The following WDR17 variants were observed in gnomAD, a reference collection of about 807,000 sequenced individuals.
WDR17 encodes WD repeat-containing protein 17.
A neutral mutation model predicts 161.7 loss-of-function variants in WDR17; 143 were observed. The observed-to-expected ratio is 0.88, with a 90% confidence interval of 0.77 to 1.02. The LOEUF is 1.02. Ranked by LOEUF, WDR17 falls within the 50% of genes least tolerant of loss-of-function variation. The probability of loss-of-function intolerance (pLI) is 0.00; values close to 1 mark genes in which losing one functional copy is unlikely to be tolerated. For synonymous variants in WDR17, 517 were observed against 515.6 expected, an observed-to-expected ratio of 1.00 and a Z score of -0.04; for missense variants, 1,469 against 1,520.9, an observed-to-expected ratio of 0.97 and a Z score of 0.57.
chr4:176,165,836 G>GC (rs758430509), intron 22 of WDR17, among the ~76,000 whole-genome samples: 1 of 151,970 alleles, frequency 6.6e-6, no homozygotes, highest in Non-Finnish European at 1.5e-5. Flanking sequence ...TCCTTGTAAC[G>GC]CCCCCATCCC....
At chr4:176,091,964 C>T (rs767812789) in intron 1 of WDR17, among the ~76,000 whole-genome samples, 4 of 152,032 alleles carry the variant, frequency 2.6e-5, no homozygotes, top group Non-Finnish European at 5.9e-5. Context: ...TAAAAAGTCT[C>T]CCATCAGGAA....
At position 176,177,523 on chromosome 4, in the gene WDR17, T is replaced by C; in HGVS notation, c.3601T>C (p.Tyr1201His). 6.3e-7 allele frequency: 1 copy of C among 1,592,124 alleles called. No individual in the cohort carries two copies. The highest frequency in any genetic ancestry group is 1.9e-5 in the Admixed American group (1 of 51,776). Reference sequence around the variant, plus strand: ...CCCTTCTGATTCACAAAGAATGATTTATGCAACTTTATTAAAGAGACTAAA... The same window carrying C: ...CCCTTCTGATTCACAAAGAATGATTCATGCAACTTTATTAAAGAGACTAAA... Reference protein sequence around the residue: ...TPPSDSQRMIYATLLKRLKEE... With the variant: ...TPPSDSQRMIHATLLKRLKEE... The change falls in exon 28 of 29, where the codon TAT becomes CAT. Residue 1201 changes from tyrosine to histidine, a missense_variant. Coordinates refer to ENST00000508596, the MANE Select transcript of WDR17 (RefSeq NM_181265.4).
At chr4:176,079,210 T>C (rs937979120) in intron 1 of WDR17, among the ~76,000 whole-genome samples, 1 of 152,180 alleles carries the variant, frequency 6.6e-6, no homozygotes, top group African/African-American at 2.4e-5. Flanking sequence ...ATTTTATTTT[T>C]TTATGGCTCA....
intron 22 of WDR17, among the ~76,000 whole-genome samples, chr4:176,168,133 G>A (rs1750159579): frequency 6.6e-6 from 1 of 151,506 alleles, no homozygotes; most frequent in Non-Finnish European, 1.5e-5. Flanking sequence ...GGCGACAGAG[G>A]GAATGAGACT....
intron 15 of WDR17, 53 bp downstream of exon 15, chr4:176,150,226 C>A: frequency 6.3e-7 from 1 of 1,591,480 alleles, no homozygotes; most frequent in South Asian, 1.1e-5. Flanking sequence ...CAACATGAAT[C>A]ATTACAACTA....
At chr4:176,171,773 A>AT (rs77463468) in intron 23 of WDR17, among the ~76,000 whole-genome samples, 73,839 of 151,098 alleles carry the variant, frequency 0.49, 18,639 homozygotes, top group Admixed American at 0.61. Flanking sequence ...ACAGAAAAAG[A>AT]TTTTTTTTTA....
At chr4:176,173,450 C>A in intron 25 of WDR17, 81 bp downstream of exon 25, 1 of 859,668 alleles carries the variant, frequency 1.2e-6, no homozygotes, top group Non-Finnish European at 1.8e-6. Flanking sequence ...GTATTCAGAT[C>A]GGGAAATAGG....
intron 6 of WDR17, among the ~76,000 whole-genome samples, chr4:176,129,714 C>T (rs983505775): frequency 7.9e-5 from 12 of 152,060 alleles, no homozygotes; most frequent in Non-Finnish European, 1.8e-4. Context: ...AATTGGTAGG[C>T]AATGGCAAGT....
chr4:176,153,859 T>C (rs1747630056), intron 17 of WDR17, among the ~76,000 whole-genome samples: 1 of 152,200 alleles, frequency 6.6e-6, no homozygotes, highest in Non-Finnish European at 1.5e-5. Context: ...AAAAAGGCAT[T>C]ATAAATTTAA....
At chr4:176,145,228 G>A (rs1404175586) in intron 11 of WDR17, among the ~76,000 whole-genome samples, 2 of 150,750 alleles carry the variant, frequency 1.3e-5, no homozygotes, top group Admixed American at 6.6e-5. Flanking sequence ...TGGCAGGTCC[G>A]TGATTTCCAC....
chr4:176,152,294 C>A (rs1480085685), intron 17 of WDR17, among the ~76,000 whole-genome samples: 31 of 72,124 alleles, frequency 4.3e-4, no homozygotes, highest in South Asian at 2.1e-3. Context: ...GACCCTATCT[C>A]AAAAAAAAAA....
At chr4:176,175,151 A>C (rs1335913253) in intron 26 of WDR17, among the ~76,000 whole-genome samples, 1 of 152,210 alleles carries the variant, frequency 6.6e-6, no homozygotes, top group Non-Finnish European at 1.5e-5. Flanking sequence ...GAAAGAGACC[A>C]CAAAGGACTT....
chr4:176,077,888 G>T (rs1167358425), intron 1 of WDR17, among the ~76,000 whole-genome samples: 1 of 152,010 alleles, frequency 6.6e-6, no homozygotes, highest in Non-Finnish European at 1.5e-5. Flanking sequence ...TTAGTCCACA[G>T]AAGAGAAAGG....
At position 176,179,644 on chromosome 4, in the gene WDR17, C is replaced by A; in HGVS notation, c.*65C>A. On this transcript the variant is annotated 3_prime_UTR_variant, in exon 29 of 29. Transcript: ENST00000508596. ...AAAAACTTTCATGGGTTAGCATTAC[C>A]TTAATCTTTGTTGCTCAAGTGCCAG... 1.4e-6 allele frequency: 2 copies of A among 1,414,832 alleles called. No individual in the cohort carries two copies. The highest frequency in any genetic ancestry group is 3.7e-5 in the South Asian group (2 of 54,720). 87.6% of individuals were successfully genotyped at this position (1,414,832 alleles called of 1,614,324 possible). A position where few individuals can be genotyped will look rare whatever the true frequency, so the allele number is the denominator to read the frequency against.
chr4:176,142,878 G>GT (rs1483107923), intron 11 of WDR17, among the ~76,000 whole-genome samples: 2 of 152,100 alleles, frequency 1.3e-5, no homozygotes, highest in Non-Finnish European at 2.9e-5. Flanking sequence ...AAAAAACACT[G>GT]TTTTTTGTGG....
Position 176,152,091 on chromosome 4 carries a change from C to G in WDR17, c.2460+124C>G, listed in dbSNP as rs1384812986. On this transcript the variant is annotated intron_variant, in intron 17 of 28. Coordinates refer to ENST00000508596, the MANE Select transcript of WDR17 (RefSeq NM_181265.4). Reference sequence around the variant, plus strand: ...TTTGGAGGCCAAGGTGGGTGGATCACTTGAGCCCAGGAGTTCGATACTAGC... The same window carrying G: ...TTTGGAGGCCAAGGTGGGTGGATCAGTTGAGCCCAGGAGTTCGATACTAGC... The G allele has an allele frequency of 1.4e-5, 13 of 930,684 alleles. No homozygotes were observed. The Admixed American group carries it at 4.0e-4, about 28-fold the overall frequency. The allele number at this position is 930,684 out of a possible 1,614,324, so 57.7% of individuals were successfully genotyped here.
In WDR17 at chr4:176,160,084, C is replaced by G; in HGVS notation, c.2616C>G (p.Phe872Leu). 6.2e-7 allele frequency: 1 copy of G among 1,613,892 alleles called. No homozygotes were observed. The highest frequency in any genetic ancestry group is 8.5e-7 in the Non-Finnish European group (1 of 1,179,872). Residue 872 changes from phenylalanine (F) to leucine (L), a missense_variant, in exon 19 of 29, where the codon TTC becomes TTG. Transcript: ENST00000508596. ...IGDVKKLVHFFMSRGQLKEAL... is the reference protein window; with the variant it reads ...IGDVKKLVHFLMSRGQLKEAL... ...ATGTGAAAAAGCTAGTCCATTTTTTCATGTCAAGAGGTCAGCTTAAAGAAG... is the reference window on the plus strand; with the variant it reads ...ATGTGAAAAAGCTAGTCCATTTTTTGATGTCAAGAGGTCAGCTTAAAGAAG...
chr4:176,119,065 G>T (rs1209034982), intron 3 of WDR17, among the ~76,000 whole-genome samples: 1 of 152,066 alleles, frequency 6.6e-6, no homozygotes. Context: ...GATGCAGCCA[G>T]CTAATATATC....
In WDR17 at chr4:176,093,047, A is replaced by G. The variant is rs527623781; in HGVS notation, c.-6-18528A>G. ...ACAGAGTGAAACTGTGTCTCAAAAT[A>G]AAAAAGAAAGAAAAGAAAAGAAATC... On this transcript the variant is annotated intron_variant, in intron 1 of 28. Transcript: ENST00000508596. Among the ~76,000 whole-genome samples the G allele has an allele frequency of 7.4e-4, 113 of 152,168 alleles. 1 individual carries two copies. The highest frequency in any genetic ancestry group is 1.3e-3 in the Non-Finnish European group (90 of 68,024).
Sources: allele counts gnomAD v4.1 joint callset (sites outside exome capture counted in the v4.1 genomes callset), GRCh38; gene constraint gnomAD v4.1.1; transcripts MANE v1.5; gene names NCBI Gene and HGNC (gene_info 2026-07-23, HGNC 2026-07-21).